The following PRKG1 variants were observed in gnomAD, a reference collection of about 807,000 sequenced individuals.
The protein encoded by PRKG1 is protein kinase cGMP-dependent 1.
In PRKG1, 35 loss-of-function variants were observed where a neutral mutation model predicts 88.1. That is an observed-to-expected ratio of 0.40 (90% CI 0.30 to 0.53). The LOEUF (loss-of-function observed/expected upper bound fraction) is 0.53, where lower values mean the gene tolerates loss of function less well. PRKG1 is among the 20% of genes least tolerant of loss of function. The probability of loss-of-function intolerance (pLI) is 0.59; values close to 1 mark genes in which losing one functional copy is unlikely to be tolerated. For missense variants in PRKG1, 540 were observed against 839.8 expected (o/e 0.64, Z 4.41); for synonymous variants, 303 against 292.5 (o/e 1.04, Z -0.37).
At chr10:52,275,295 T>C (rs1009672824) in intron 12 of PRKG1, among the ~76,000 whole-genome samples, 3 of 152,194 alleles carry the variant, frequency 2.0e-5, no homozygotes, top group African/African-American at 7.2e-5. Flanking sequence ...TGCTATCTTC[T>C]AGAATTTTAG....
chr10:51,843,605 CTGAAGTAACAGCTA>C (rs1840332838), intron 4 of PRKG1, among the ~76,000 whole-genome samples: 1 of 152,220 alleles, frequency 6.6e-6, no homozygotes, highest in Non-Finnish European at 1.5e-5. Flanking sequence ...CTCTGCCACA[CTGAAGTAACAGCTA>C]TGCTCACTGC....
rs1412909629 is a variant in PRKG1 at position 51,699,457 on chromosome 10, C to T, written c.593-105128C>T. On this transcript the variant is annotated intron_variant, in intron 3 of 17. Transcript: ENST00000373980. ...CAACCTCCGAGAAAATGTCCTTTAA[C>T]TGCTCCTCAGTTGCCTCATATGGAA... is the stretch of plus-strand genomic sequence containing the variant. 3.1e-6 allele frequency: 5 copies of T among 1,614,074 alleles called. No individual in the cohort carries two copies. In the African/African-American group the frequency reaches 4.0e-5, roughly 13 times the overall value.
chr10:51,412,180 TGAGA>T (rs746950388), intron 2 of PRKG1, among the ~76,000 whole-genome samples: 5,716 of 125,284 alleles, frequency 0.046, 135 homozygotes, highest in Admixed American at 0.076. Flanking sequence ...GGAGAGAGAG[TGAGA>T]GAGAGAGAGA....
intron 2 of PRKG1, among the ~76,000 whole-genome samples, chr10:51,405,961 G>A (rs1294570779): frequency 6.6e-6 from 1 of 152,160 alleles, no homozygotes; most frequent in African/African-American, 2.4e-5. Flanking sequence ...AGACAGGGTA[G>A]CAAGCAGTGT....
intron 3 of PRKG1, among the ~76,000 whole-genome samples, chr10:51,570,928 CA>C (rs1381227523): frequency 4.6e-5 from 7 of 151,954 alleles, no homozygotes; most frequent in Admixed American, 3.3e-4. Context: ...TGAAGCTTCA[CA>C]AAACTGCATG....
chr10:52,036,381 G>A (rs911390317), intron 5 of PRKG1, among the ~76,000 whole-genome samples: 1 of 151,170 alleles, frequency 6.6e-6, no homozygotes, highest in African/African-American at 2.4e-5. Context: ...AACTTGTAAG[G>A]CTCGTCCGGT....
chr10:51,363,767 A>G (rs918283452), intron 2 of PRKG1, among the ~76,000 whole-genome samples: 1 of 151,928 alleles, frequency 6.6e-6, no homozygotes, highest in African/African-American at 2.4e-5. Flanking sequence ...ACCCTGTGGT[A>G]CCCATTAGTC....
In PRKG1 at chr10:51,629,688, A is replaced by G. The variant is rs536209069; in HGVS notation, c.592+161852A>G. 2.6e-5 allele frequency among the ~76,000 whole-genome samples: 4 copies of G among 152,254 alleles called. No homozygotes were observed. The East Asian group carries it at 7.7e-4, about 29-fold the overall frequency. ...TCTCAAACATACTTTTAAGGTCATC[A>G]CCATTTGTGATTTCAAGCAATTGAC... On this transcript the variant is annotated intron_variant, in intron 3 of 17. Coordinates refer to ENST00000373980, the MANE Select transcript of PRKG1 (RefSeq NM_006258.4).
intron 2 of PRKG1, among the ~76,000 whole-genome samples, chr10:51,268,986 C>T (rs1839907841): frequency 6.6e-6 from 1 of 152,096 alleles, no homozygotes. Context: ...CCCTGACTTC[C>T]TACAACACAG....
intron 5 of PRKG1, among the ~76,000 whole-genome samples, chr10:51,927,719 C>T (rs1303435027): frequency 6.6e-6 from 1 of 152,174 alleles, no homozygotes; most frequent in African/African-American, 2.4e-5. Context: ...CATGACCCCT[C>T]CTTCTATTAC....
intron 3 of PRKG1, among the ~76,000 whole-genome samples, chr10:51,494,174 C>A (rs1038057299): frequency 6.6e-6 from 1 of 152,130 alleles, no homozygotes; most frequent in African/African-American, 2.4e-5. Context: ...CCTTCCACCC[C>A]ACTCTCTCAG....
At chr10:51,675,015 G>A (rs1037797670) in intron 3 of PRKG1, among the ~76,000 whole-genome samples, 7 of 152,114 alleles carry the variant, frequency 4.6e-5, no homozygotes, top group Admixed American at 2.0e-4. Flanking sequence ...CAAATGTTAC[G>A]TAGGTATCTA....
At position 51,993,043 on chromosome 10, in the gene PRKG1, C is replaced by T. The variant is rs563047565; in HGVS notation, c.763-61441C>T. Among the ~76,000 whole-genome samples the T allele has an allele frequency of 5.3e-5, 8 of 152,148 alleles. No individual in the cohort carries two copies. The South Asian group carries it at 1.7e-3, about 32-fold the overall frequency. On this transcript the variant is annotated intron_variant, in intron 5 of 17. Transcript: ENST00000373980. ...AATTGAAGGCATTCTTTATAGTTGC[C>T]ATCTGAATGAGACATAATATATAAT...
chr10:51,268,667 A>G (rs147789752), intron 2 of PRKG1, among the ~76,000 whole-genome samples: 5,790 of 152,220 alleles, frequency 0.038, 357 homozygotes, highest in African/African-American at 0.13. Context: ...TTAAACACAC[A>G]TGCTCTACAA....
chr10:52,220,639 G>T (rs1840219878), intron 9 of PRKG1, among the ~76,000 whole-genome samples: 1 of 151,890 alleles, frequency 6.6e-6, no homozygotes. Flanking sequence ...TCATCATTTA[G>T]CTCCCACTTA....
Position 51,301,830 on chromosome 10 carries a change from G to A in PRKG1, c.478+148500G>A, listed in dbSNP as rs1271328957. 2.0e-5 allele frequency among the ~76,000 whole-genome samples: 3 copies of A among 152,224 alleles called. No individual in the cohort carries two copies. In the East Asian group the frequency reaches 5.8e-4, roughly 29 times the overall value. On this transcript the variant is annotated intron_variant, in intron 2 of 17. Transcript: ENST00000373980. ...GTTTGGCTTCCTGGCTATTGGTTTT[G>A]CAGTCAGAGGAGTTCAGTTCAGTTT...
chr10:51,163,445 C>T (rs1260756463), intron 2 of PRKG1, among the ~76,000 whole-genome samples: 1 of 152,200 alleles, frequency 6.6e-6, no homozygotes, highest in Non-Finnish European at 1.5e-5. Flanking sequence ...CGGTCTACAG[C>T]TCCCAGCATG....
intron 8 of PRKG1, among the ~76,000 whole-genome samples, chr10:52,154,246 C>T (rs1838024385): frequency 6.6e-6 from 1 of 151,774 alleles, no homozygotes; most frequent in Non-Finnish European, 1.5e-5. Flanking sequence ...TTAATAATAC[C>T]CTCTTACTCA....
At chr10:52,204,498 T>C (rs768232781) in intron 9 of PRKG1, among the ~76,000 whole-genome samples, 1 of 152,138 alleles carries the variant, frequency 6.6e-6, no homozygotes, top group Non-Finnish European at 1.5e-5. Flanking sequence ...GACCATAAAT[T>C]GTGAAGATTT....
Sources: gnomAD v4.1 joint callset for allele counts (sites outside exome capture counted in the v4.1 genomes callset) on GRCh38, gnomAD v4.1.1 for gene constraint, MANE v1.5 for transcripts, NCBI Gene and HGNC (gene_info 2026-07-23, HGNC 2026-07-21) for gene names.